The following FOXO3 variants were observed in gnomAD, a reference collection of about 807,000 sequenced individuals.
FOXO3 encodes forkhead box protein O3.
A neutral mutation model predicts 41.9 loss-of-function variants in FOXO3; 4 were observed. The observed-to-expected ratio is 0.10, with a 90% confidence interval of 0.05 to 0.22. The LOEUF (loss-of-function observed/expected upper bound fraction) is 0.22, where lower values mean the gene tolerates loss of function less well. Among genes scored for constraint, FOXO3 ranks in the 10% least tolerant of loss-of-function variants. The pLI, the probability that FOXO3 is intolerant of heterozygous loss-of-function variation, is 1.00. For missense variants in FOXO3, 534 were observed against 906.8 expected, an observed-to-expected ratio of 0.59 and a Z score of 5.28; for synonymous variants, 318 against 389.3, an observed-to-expected ratio of 0.82 and a Z score of 2.16.
At chr6:108,589,180 T>C (rs1002007224) in intron 1 of FOXO3, among the ~76,000 whole-genome samples, 2 of 152,214 alleles carry the variant, frequency 1.3e-5, no homozygotes, top group African/African-American at 4.8e-5. Flanking sequence ...CAGAAAATTA[T>C]TGTTTTTGAA....
intron 1 of FOXO3, among the ~76,000 whole-genome samples, chr6:108,644,730 AT>A (rs533568772): frequency 5.2e-4 from 79 of 152,200 alleles, no homozygotes; most frequent in African/African-American, 1.9e-3. Context: ...AGTGGCTTTC[AT>A]TACTTAGTTG....
intron 1 of FOXO3, chr6:108,617,937 A>G (rs1258444583): frequency 4.4e-6 from 2 of 455,484 alleles, no homozygotes; most frequent in East Asian, 4.5e-5. Context: ...GCAGTTTTCT[A>G]CTTGAGAAGG....
intron 1 of FOXO3, among the ~76,000 whole-genome samples, chr6:108,597,625 C>T (rs147502020): frequency 3.3e-4 from 50 of 152,280 alleles, no homozygotes; most frequent in African/African-American, 1.2e-3. Context: ...ATTGCGTTAC[C>T]AGTCTCCAGA....
chr6:108,617,378 G>C (rs1284014819), intron 1 of FOXO3, among the ~76,000 whole-genome samples: 1 of 151,740 alleles, frequency 6.6e-6, no homozygotes, highest in Non-Finnish European at 1.5e-5. Flanking sequence ...ACCAGGCATT[G>C]TGAATTTTAC....
At chr6:108,571,024 A>C (rs1776085372) in intron 1 of FOXO3, among the ~76,000 whole-genome samples, 1 of 152,154 alleles carries the variant, frequency 6.6e-6, no homozygotes, top group Admixed American at 6.5e-5. Context: ...TCCTGATACT[A>C]CATGTTCATT....
At position 108,561,012 on chromosome 6, in the gene FOXO3, C is replaced by T. The variant is rs1302220715; in HGVS notation, c.-197C>T. The T allele has an allele frequency of 7.3e-7, 1 of 1,373,874 alleles. No homozygotes were observed. The highest frequency in any genetic ancestry group is 9.3e-7 in the Non-Finnish European group (1 of 1,076,130). 85.1% of individuals were successfully genotyped at this position (1,373,874 alleles called of 1,614,324 possible). On this transcript the variant is annotated 5_prime_UTR_variant, in exon 1 of 3. Coordinates refer to ENST00000406360, the MANE Select transcript of FOXO3 (RefSeq NM_001455.4). ...AGGACTGGGAGGTGGCGGCAGCGGG[C>T]GAGGACTCGCCGAGGACGGGGCTCC...
intron 1 of FOXO3, among the ~76,000 whole-genome samples, chr6:108,661,388 G>GA (rs1167017733): frequency 5.1e-5 from 1 of 19,650 alleles, no homozygotes; most frequent in Non-Finnish European, 2.3e-4. Context: ...AGTAGCATCA[G>GA]GAGTATCTTT....
chr6:108,586,903 T>G (rs997859697), intron 1 of FOXO3, among the ~76,000 whole-genome samples: 1 of 151,086 alleles, frequency 6.6e-6, no homozygotes, highest in Non-Finnish European at 1.5e-5. Flanking sequence ...TAACATTTAT[T>G]GAGCACCATT....
chr6:108,654,967 G>C (rs1778645420), intron 1 of FOXO3, among the ~76,000 whole-genome samples: 1 of 152,126 alleles, frequency 6.6e-6, no homozygotes, highest in Non-Finnish European at 1.5e-5. Context: ...TTCTGCACCT[G>C]CTTTTGAACA....
At chr6:108,642,504 A>C (rs1200126687) in intron 1 of FOXO3, among the ~76,000 whole-genome samples, 1 of 152,182 alleles carries the variant, frequency 6.6e-6, no homozygotes, top group Non-Finnish European at 1.5e-5. Context: ...TAATATCCAT[A>C]TAAACAAGAA....
intron 1 of FOXO3, among the ~76,000 whole-genome samples, chr6:108,640,862 C>T (rs1778238762): frequency 6.6e-6 from 1 of 152,150 alleles, no homozygotes; most frequent in South Asian, 2.1e-4. Context: ...ATGTGCTGGG[C>T]ACAATTCTAG....
chr6:108,571,911 T>C (rs1776112752), intron 1 of FOXO3, among the ~76,000 whole-genome samples: 1 of 152,198 alleles, frequency 6.6e-6, no homozygotes, highest in South Asian at 2.1e-4. Flanking sequence ...AATCAAAGTG[T>C]TAATAATCAT....
intron 1 of FOXO3, among the ~76,000 whole-genome samples, chr6:108,620,958 A>G (rs186439487): frequency 5.3e-5 from 8 of 152,324 alleles, no homozygotes; most frequent in Non-Finnish European, 7.3e-5. Flanking sequence ...ATACAACCAA[A>G]AATATTAAAA....
In FOXO3 at chr6:108,681,008, A is replaced by C. The variant is rs1770827561; in HGVS notation, c.*1216A>C. ...TTTTTAAATATAAGCTTAGGTTGTA[A>C]TTGTACAAGTGACTCAATGGAAGTA... On this transcript the variant is annotated 3_prime_UTR_variant, in exon 3 of 3. Transcript: ENST00000406360. 1 of 152,670 alleles carries C rather than the reference A, an allele frequency of 6.6e-6. No individual in the cohort carries two copies. The highest frequency in any genetic ancestry group is 2.1e-4 in the South Asian group (1 of 4,832). The allele number at this position is 152,670 out of a possible 1,614,324, so 9.5% of individuals were successfully genotyped here. A position where few individuals can be genotyped will look rare whatever the true frequency, so the allele number is the denominator to read the frequency against.
At chr6:108,655,465 A>G (rs1489048833) in intron 1 of FOXO3, among the ~76,000 whole-genome samples, 3 of 152,210 alleles carry the variant, frequency 2.0e-5, no homozygotes, top group South Asian at 2.1e-4. Flanking sequence ...TCCTCAGTCA[A>G]TGGAAATATA....
chr6:108,613,640 T>TA (rs1225560964), intron 1 of FOXO3, among the ~76,000 whole-genome samples: 1 of 152,206 alleles, frequency 6.6e-6, no homozygotes, highest in Non-Finnish European at 1.5e-5. Flanking sequence ...CTTATCTGTT[T>TA]AGTGCCTTGC....
chr6:108,593,039 G>A (rs1237202240), intron 1 of FOXO3, among the ~76,000 whole-genome samples: 1 of 152,184 alleles, frequency 6.6e-6, no homozygotes, highest in Non-Finnish European at 1.5e-5. Context: ...TGGGAATATT[G>A]TTGAGTATTT....
chr6:108,600,068 C>A lies in FOXO3; in HGVS notation c.621+38239C>A, dbSNP rs78974817. ...GAGGAGGATTTTAGAAAACTAGATC[C>A]ATTGGCCTGCAGTTAGAAGTCGAAC... is the stretch of plus-strand genomic sequence containing the variant. On this transcript the variant is annotated intron_variant, in intron 1 of 2. Transcript: ENST00000406360. Among the ~76,000 whole-genome samples, 448 of 152,096 alleles carry A rather than the reference C, an allele frequency of 2.9e-3. 1 individual carries two copies. Among genetic ancestry groups the A allele is most frequent in the African/African-American group, 0.01 (430 of 41,476 alleles).
intron 1 of FOXO3, among the ~76,000 whole-genome samples, chr6:108,603,037 G>A (rs768654321): frequency 5.9e-5 from 9 of 151,744 alleles, no homozygotes; most frequent in Non-Finnish European, 1.0e-4. Flanking sequence ...CTTTCTGGTG[G>A]AATATGGCAA....
Sources: allele counts gnomAD v4.1 joint callset (sites outside exome capture counted in the v4.1 genomes callset), GRCh38; gene constraint gnomAD v4.1.1; transcripts MANE v1.5; gene names NCBI Gene and HGNC (gene_info 2026-07-23, HGNC 2026-07-21).